Variants in CHD2 observed in about 807,000 individuals in gnomAD.
CHD2 encodes the protein ATP-dependent chromatin remodeler CHD2.
Under a neutral mutation model 243.9 loss-of-function variants are expected in CHD2, and 28 were observed. That is an observed-to-expected ratio of 0.11 (90% CI 0.09 to 0.16). CHD2 has a LOEUF of 0.16. CHD2 is among the 10% of genes least tolerant of loss of function. The probability of loss-of-function intolerance (pLI) is 1.00; values close to 1 mark genes in which losing one functional copy is unlikely to be tolerated. For synonymous variants in CHD2, 775 were observed against 779.0 expected (o/e 0.99, Z 0.09); for missense variants, 1,386 against 2,209.8 (o/e 0.63, Z 7.47).
In CHD2 at chr15:93,014,867, G is replaced by A. The variant is rs1044619239; in HGVS notation, c.4864G>A (p.Asp1622Asn). Reference sequence around the variant, plus strand: ...CCCACAGATGCATGGACACCCAAGAGATAACTACAATCACCCCAACAAGAG... The same window carrying A: ...CCCACAGATGCATGGACACCCAAGAAATAACTACAATCACCCCAACAAGAG... The part of the protein sequence containing the change: ...HGPQMHGHPR[D>N]NYNHPNKRHF... The change falls in exon 37 of 39, where the codon GAT (aspartate) becomes AAT (asparagine). Residue 1622 changes from aspartate to asparagine, a missense_variant. Physicochemically the swap from Asp to Asn is conservative, Grantham distance 23. Transcript: ENST00000394196. The A allele has an allele frequency of 1.2e-6, 2 of 1,614,032 alleles. No individual in the cohort carries two copies. The highest frequency in any genetic ancestry group is 2.7e-5 in the African/African-American group (2 of 74,904).
At chr15:93,016,437 C>T (rs1265637084) in intron 37 of CHD2, among the ~76,000 whole-genome samples, 1 of 152,106 alleles carries the variant, frequency 6.6e-6, no homozygotes, top group Non-Finnish European at 1.5e-5. Context: ...TGTTGTACAG[C>T]ATGGTGACTG....
Position 92,984,285 on chromosome 15 carries a change from G to A in CHD2, c.3067-45G>A, listed in dbSNP as rs746933305. ...TGGATAAATTGTTTTAGTAGATGGT[G>A]TTTAGAAATAGGGAAATGTCAGACA... On this transcript the variant is annotated intron_variant, in intron 24 of 38. Transcript: ENST00000394196. 38 of 1,444,016 alleles carry A rather than the reference G, an allele frequency of 2.6e-5. No homozygotes were observed. In the South Asian group the frequency reaches 5.7e-4, roughly 22 times the overall value. 89.5% of individuals were successfully genotyped at this position (1,444,016 alleles called of 1,614,324 possible).
In CHD2 at chr15:93,024,553, C is replaced by T. The variant is rs374271060; in HGVS notation, c.5335C>T (p.Pro1779Ser). Residue 1779 changes from proline (P) to serine (S), a missense_variant, in exon 39 of 39, where the codon CCA becomes TCA. By Grantham distance (74) the Pro-to-Ser change is moderately conservative (BLOSUM62 -1). Around this residue, in one of 19 missense-constraint regions of CHD2, gnomAD observed 347 missense variants for 341.6 expected, o/e 1.02. Coordinates refer to ENST00000394196, the MANE Select transcript of CHD2 (RefSeq NM_001271.4). ...GGGGGAATATAAACAGCCTCTACCC[C>T]CATTGCACCCTGCAGTCTCAGATCC... Reference protein sequence around the residue: ...KLGEYKQPLPPLHPAVSDPRS... With the variant: ...KLGEYKQPLPSLHPAVSDPRS... The T allele has an allele frequency of 1.2e-6, 2 of 1,614,204 alleles. No individual in the cohort carries two copies. The highest frequency in any genetic ancestry group is 1.1e-5 in the South Asian group (1 of 91,076).
chr15:92,989,172 C>CA (rs1474867943), intron 26 of CHD2, among the ~76,000 whole-genome samples: 1 of 151,848 alleles, frequency 6.6e-6, no homozygotes, highest in Non-Finnish European at 1.5e-5. Context: ...GCTGGGATTA[C>CA]AGGTGCCCAC....
intron 15 of CHD2, 41 bp from the exon 16 acceptor site, chr15:92,956,418 C>T: frequency 6.5e-7 from 1 of 1,544,726 alleles, no homozygotes; most frequent in Non-Finnish European, 8.8e-7. Flanking sequence ...TGTGGGTTCC[C>T]TTCTGACCTG....
At position 92,944,528 on chromosome 15, in the gene CHD2, T is replaced by C; in HGVS notation, c.1153+13T>C. On this transcript the variant is annotated intron_variant, in intron 10 of 38. Coordinates refer to ENST00000394196, the MANE Select transcript of CHD2 (RefSeq NM_001271.4). ...GAAAGAGTAATAGGTAAGTACATGG[T>C]AACTCACTTCAGCCATATTTGAACT... 2 of 1,357,112 alleles carry C rather than the reference T, an allele frequency of 1.5e-6. No individual in the cohort carries two copies. The highest frequency in any genetic ancestry group is 2.1e-6 in the Non-Finnish European group (2 of 972,218). 84.1% of individuals were successfully genotyped at this position (1,357,112 alleles called of 1,614,324 possible).
chr15:92,927,946 C>T (rs1334780392), intron 4 of CHD2, among the ~76,000 whole-genome samples: 3 of 152,092 alleles, frequency 2.0e-5, no homozygotes, highest in African/African-American at 7.2e-5. Context: ...TCACCTTTCT[C>T]ATTTTGTGTG....
At chr15:92,981,186 T>A (rs1369950379) in intron 23 of CHD2, among the ~76,000 whole-genome samples, 179 bp from the exon 24 acceptor site, 1 of 152,238 alleles carries the variant, frequency 6.6e-6, no homozygotes, top group African/African-American at 2.4e-5. Context: ...GTATAAATTA[T>A]AGTTTGAGAC....
chr15:92,967,876 G>A (rs2053788072), intron 17 of CHD2, among the ~76,000 whole-genome samples: 1 of 151,940 alleles, frequency 6.6e-6, no homozygotes. Flanking sequence ...GTAATATCTA[G>A]TGTTTACATT....
At chr15:93,018,899 A>G (rs182841480) in intron 37 of CHD2, among the ~76,000 whole-genome samples, 4 of 152,356 alleles carry the variant, frequency 2.6e-5, no homozygotes, top group African/African-American at 9.6e-5. Context: ...TTACATCTGC[A>G]AAGACCTAGG....
At chr15:93,010,431 T>TA (rs1275825728) in intron 35 of CHD2, among the ~76,000 whole-genome samples, 1 of 120,896 alleles carries the variant, frequency 8.3e-6, no homozygotes, top group Admixed American at 8.8e-5. Flanking sequence ...TTTTTTTTTT[T>TA]AAATGAGACA....
intron 2 of CHD2, among the ~76,000 whole-genome samples, chr15:92,923,203 C>T (rs888995337): frequency 2.6e-5 from 4 of 152,118 alleles, no homozygotes; most frequent in South Asian, 2.1e-4. Flanking sequence ...GTGAGAACCA[C>T]GATTGGATAA....
chr15:92,960,287 C>T (rs1166896330), intron 16 of CHD2, among the ~76,000 whole-genome samples: 2 of 152,136 alleles, frequency 1.3e-5, no homozygotes, highest in African/African-American at 4.8e-5. Flanking sequence ...ATTATGTTTT[C>T]TGTACCTAAA....
rs762283261 is a variant in CHD2, at chr15:92,941,849, T to A, written c.720T>A (p.Thr240=). ...VSYKEDDDFE[T]DSDDLIEMTG... ...ACAAAGAAGATGATGACTTTGAGAC[T>A]GACTCAGATGATCTCATTGAAATGA... The change falls in exon 8 of 39, where the codon ACT becomes ACA. Residue 240 remains threonine, a synonymous_variant. Coordinates refer to ENST00000394196, the MANE Select transcript of CHD2 (RefSeq NM_001271.4). 6 of 1,613,184 alleles carry A rather than the reference T, an allele frequency of 3.7e-6. No homozygotes were observed. The highest frequency in any genetic ancestry group is 5.1e-6 in the Non-Finnish European group (6 of 1,179,580).
Position 92,939,533 on chromosome 15 carries a change from A to G in CHD2, c.552-45A>G. ...TACTGTTATATAAAGTAGACACCAA[A>G]TGATAAAGTGAAGACTTAGCCTTTT... is the stretch of plus-strand genomic sequence containing the variant. On this transcript the variant is annotated intron_variant, in intron 6 of 38. Transcript: ENST00000394196. 6 of 1,591,446 alleles carry G rather than the reference A, an allele frequency of 3.8e-6. No homozygotes were observed. The African/African-American group carries it at 4.1e-5, about 11-fold the overall frequency.
intron 22 of CHD2, 66 bp downstream of exon 22, chr15:92,979,349 T>C: frequency 1.3e-6 from 2 of 1,555,336 alleles, no homozygotes; most frequent in Non-Finnish European, 8.7e-7. Context: ...TTGGATATAA[T>C]AGGATTTTCT....
chr15:92,937,043 T>A (rs1323624192), intron 5 of CHD2, among the ~76,000 whole-genome samples: 1 of 152,116 alleles, frequency 6.6e-6, no homozygotes, highest in Non-Finnish European at 1.5e-5. Context: ...TTAACTTTAA[T>A]TTTTCTGGAG....
chr15:92,995,319 T>C (rs2054173381), intron 28 of CHD2, among the ~76,000 whole-genome samples: 1 of 152,246 alleles, frequency 6.6e-6, no homozygotes, highest in Non-Finnish European at 1.5e-5. Flanking sequence ...TTTTTAATTA[T>C]GTAAAAACAT....
At chr15:92,917,634 T>C (rs550572438) in intron 2 of CHD2, among the ~76,000 whole-genome samples, 2 of 152,264 alleles carry the variant, frequency 1.3e-5, no homozygotes, top group South Asian at 4.2e-4. Context: ...TTAAGACACA[T>C]AGAAGTGACT....
Sources: allele counts gnomAD v4.1 joint callset (sites outside exome capture counted in the v4.1 genomes callset), GRCh38; gene constraint gnomAD v4.1.1; regional missense constraint gnomAD v4.1.1; transcripts MANE v1.5; gene names NCBI Gene and HGNC (gene_info 2026-07-23, HGNC 2026-07-21).